Variants in DAB1 observed in about 807,000 individuals in gnomAD.
The protein encoded by DAB1 is disabled homolog 1.
DAB1 carries 15 observed loss-of-function variants against 64.6 expected under a neutral mutation model. The observed-to-expected ratio is 0.23, with a 90% CI of 0.16 to 0.36. DAB1 has a LOEUF of 0.36. Among genes scored for constraint, DAB1 ranks in the 10% least tolerant of loss-of-function variants. The pLI, the probability that DAB1 is intolerant of heterozygous loss-of-function variation, is 1.00. For synonymous variants in DAB1, 235 were observed against 251.9 expected (o/e 0.93, Z 0.64); for missense variants, 596 against 706.7 (o/e 0.84, Z 1.78).
chr1:57,991,303 T>C (rs975436297), intron 5 of DAB1, among the ~76,000 whole-genome samples: 1 of 152,176 alleles, frequency 6.6e-6, no homozygotes, highest in Non-Finnish European at 1.5e-5. Flanking sequence ...TAACCTAAAA[T>C]TTCAGTCAAC....
chr1:57,562,983 G>A (rs1185963737), intron 7 of DAB1, among the ~76,000 whole-genome samples: 2 of 152,138 alleles, frequency 1.3e-5, no homozygotes, highest in Non-Finnish European at 2.9e-5. Context: ...GGCCATTAGG[G>A]CGTCTCTTAG....
intron 6 of DAB1, among the ~76,000 whole-genome samples, chr1:57,741,522 G>A (rs1557454292): frequency 6.6e-6 from 1 of 152,182 alleles, no homozygotes. Flanking sequence ...AAAGTGTCTA[G>A]ATTTAAATTC....
chr1:58,051,998 T>C (rs1647703306), intron 5 of DAB1, among the ~76,000 whole-genome samples: 1 of 152,222 alleles, frequency 6.6e-6, no homozygotes, highest in Non-Finnish European at 1.5e-5. Flanking sequence ...GTAGGTTGCC[T>C]GTTCACTCTG....
intron 5 of DAB1, among the ~76,000 whole-genome samples, chr1:57,996,712 A>G (rs1298833995): frequency 6.6e-6 from 1 of 152,232 alleles, no homozygotes; most frequent in Non-Finnish European, 1.5e-5. Context: ...TCAGACAATC[A>G]TGTAACTCAC....
At chr1:57,525,675 T>C (rs1644582464) in intron 7 of DAB1, among the ~76,000 whole-genome samples, 1 of 151,988 alleles carries the variant, frequency 6.6e-6, no homozygotes, top group Non-Finnish European at 1.5e-5. Context: ...AAGATATAAA[T>C]AGATAGTTTC....
intron 6 of DAB1, among the ~76,000 whole-genome samples, chr1:57,820,209 T>C (rs1476303251): frequency 6.6e-6 from 1 of 152,204 alleles, no homozygotes; most frequent in Admixed American, 6.5e-5. Flanking sequence ...ACCCACTGTT[T>C]GCTTGCTGAG....
intron 1 of DAB1, among the ~76,000 whole-genome samples, chr1:57,342,808 T>C (rs551626290): frequency 4.9e-4 from 74 of 149,562 alleles, no homozygotes; most frequent in African/African-American, 1.8e-3. Flanking sequence ...TAAGGAGGCG[T>C]GTCTGGAGTT....
At chr1:57,638,616 T>C (rs1244185140) in intron 7 of DAB1, among the ~76,000 whole-genome samples, 1 of 152,160 alleles carries the variant, frequency 6.6e-6, no homozygotes, top group African/African-American at 2.4e-5. Context: ...TATTTCCTAA[T>C]CCATGGAGAT....
At chr1:58,004,860 C>T (rs937288108) in intron 5 of DAB1, among the ~76,000 whole-genome samples, 12 of 151,946 alleles carry the variant, frequency 7.9e-5, no homozygotes, top group Non-Finnish European at 1.3e-4. Flanking sequence ...AGACCTAAAG[C>T]CAGCTTCCTG....
At chr1:58,090,320 G>A (rs755092713) in intron 5 of DAB1, among the ~76,000 whole-genome samples, 97 of 152,192 alleles carry the variant, frequency 6.4e-4, no homozygotes, top group Non-Finnish European at 6.9e-4. Context: ...GCAGTGGCAC[G>A]CCCTTGCTGT....
At chr1:57,090,980 C>T (rs1404078080) in intron 4 of DAB1, among the ~76,000 whole-genome samples, 1 of 152,092 alleles carries the variant, frequency 6.6e-6, no homozygotes, top group East Asian at 1.9e-4. Flanking sequence ...GCTTGATGAT[C>T]TAAGGTGGAA....
rs1040767089 is a variant in DAB1 at position 58,145,772 on chromosome 1, G to A, written n.387+4739C>T. On this transcript the variant is annotated intron_variant and non_coding_transcript_variant, in intron 5 of 20. Transcript: ENST00000485760. ...CTGCTGGTCCAATGATTGTTTCCAC[G>A]GACATGCGCTTCACTGACATAAAAG... is the stretch of plus-strand genomic sequence containing the variant. 2.0e-5 allele frequency among the ~76,000 whole-genome samples: 3 copies of A among 152,168 alleles called. No homozygotes were observed. The South Asian group carries it at 6.2e-4, about 32-fold the overall frequency.
At chr1:57,124,396 CAG>C (rs771719241) in intron 4 of DAB1, among the ~76,000 whole-genome samples, 13 of 152,084 alleles carry the variant, frequency 8.5e-5, no homozygotes, top group Non-Finnish European at 1.8e-4. Flanking sequence ...CTCAGTATCT[CAG>C]AGTCTCAGAC....
chr1:58,224,624 T>C (rs1391545538), intron 4 of DAB1, among the ~76,000 whole-genome samples: 1 of 152,032 alleles, frequency 6.6e-6, no homozygotes, highest in Non-Finnish European at 1.5e-5. Flanking sequence ...AAATTTAACA[T>C]TATCATCTCA....
chr1:58,422,619 T>C (rs892950777), intron 3 of DAB1, among the ~76,000 whole-genome samples: 169 of 151,270 alleles, frequency 1.1e-3, no homozygotes, highest in Admixed American at 3.5e-3. Context: ...TTTTTTTTTT[T>C]TTTGAGACAG....
chr1:57,821,301 G>A (rs146449380), downstream of DAB1, among the ~76,000 whole-genome samples: 453 of 152,128 alleles, frequency 3.0e-3, 3 homozygotes, highest in African/African-American at 9.9e-3. Context: ...GAGATAGAGG[G>A]CATAATAATA....
chr1:57,450,120 T>C (rs1406281021), intron 7 of DAB1, among the ~76,000 whole-genome samples: 1 of 152,236 alleles, frequency 6.6e-6, no homozygotes, highest in African/African-American at 2.4e-5. Context: ...TGAAATCCTT[T>C]CTGTAAGGCA....
In DAB1 at chr1:57,339,164, T is replaced by A. The variant is rs562199912; in HGVS notation, c.-136-47998A>T. Among the ~76,000 whole-genome samples, 624 of 151,276 alleles carry A rather than the reference T, an allele frequency of 4.1e-3. 2 individuals carry two copies. The highest frequency in any genetic ancestry group is 0.014 in the African/African-American group (564 of 41,366). ...TTTTTTTTTTTAATTAATTATTATT[T>A]TTTTTTTTCGAGACAGAGTCTCGCT... is the stretch of plus-strand genomic sequence containing the variant. On this transcript the variant is annotated intron_variant, in intron 1 of 14. Transcript: ENST00000371236.
intron 5 of DAB1, among the ~76,000 whole-genome samples, chr1:57,902,014 G>T (rs988877421): frequency 2.0e-5 from 3 of 151,912 alleles, no homozygotes; most frequent in African/African-American, 4.8e-5. Flanking sequence ...AATTAGCTGG[G>T]CATGGTAGTG....
Sources: gnomAD v4.1 joint callset for allele counts (sites outside exome capture counted in the v4.1 genomes callset) on GRCh38, gnomAD v4.1.1 for gene constraint, MANE v1.5 for transcripts, NCBI Gene and HGNC (gene_info 2026-07-23, HGNC 2026-07-21) for gene names.